Variants in CDKAL1 observed in about 807,000 individuals in gnomAD.
CDKAL1 encodes CDKAL1 threonylcarbamoyladenosine tRNA methylthiotransferase.
Under a neutral mutation model 68.2 loss-of-function variants are expected in CDKAL1, and 32 were observed. The ratio of observed to expected loss-of-function variants is 0.47; its 90% CI spans 0.35 to 0.63. The LOEUF (loss-of-function observed/expected upper bound fraction) is 0.63, where lower values mean the gene tolerates loss of function less well. Among genes scored for constraint, CDKAL1 ranks in the 30% least tolerant of loss-of-function variants. The probability of loss-of-function intolerance (pLI) is 0.00; values close to 1 mark genes in which losing one functional copy is unlikely to be tolerated. For synonymous variants in CDKAL1, 234 were observed against 244.3 expected (o/e 0.96, Z 0.39); for missense variants, 606 against 696.7 (o/e 0.87, Z 1.47).
At chr6:21,196,214 AAT>A (rs1778465378) in intron 13 of CDKAL1, among the ~76,000 whole-genome samples, 1 of 152,214 alleles carries the variant, frequency 6.6e-6, no homozygotes, top group African/African-American at 2.4e-5. Flanking sequence ...CTTGATGTTA[AAT>A]GAAGTGTAAT....
At chr6:20,613,480 G>A (rs1425818393) in intron 4 of CDKAL1, among the ~76,000 whole-genome samples, 2 of 150,176 alleles carry the variant, frequency 1.3e-5, no homozygotes, top group East Asian at 3.9e-4. Context: ...TCACCATGTT[G>A]GCCAGGCTCG....
intron 9 of CDKAL1, among the ~76,000 whole-genome samples, chr6:20,914,040 A>C (rs756974550): frequency 6.6e-6 from 1 of 152,160 alleles, no homozygotes; most frequent in Non-Finnish European, 1.5e-5. Context: ...CTGTGATCCC[A>C]GCACTTTGGG....
intron 9 of CDKAL1, among the ~76,000 whole-genome samples, chr6:20,909,443 A>C (rs551072881): frequency 7.2e-5 from 11 of 152,274 alleles, no homozygotes; most frequent in African/African-American, 2.2e-4. Flanking sequence ...AGTTTTGTAA[A>C]CCAATGTTGT....
intron 10 of CDKAL1, among the ~76,000 whole-genome samples, chr6:20,998,042 G>A (rs1767212863): frequency 6.6e-6 from 1 of 152,184 alleles, no homozygotes; most frequent in African/African-American, 2.4e-5. Context: ...AAGGTACACA[G>A]CCTGAGTGTG....
At chr6:21,194,242 G>A (rs1014140891) in intron 13 of CDKAL1, among the ~76,000 whole-genome samples, 5 of 152,216 alleles carry the variant, frequency 3.3e-5, no homozygotes, top group African/African-American at 1.2e-4. Context: ...ATAGCAGGCT[G>A]CCAGTCACAC....
intron 4 of CDKAL1, among the ~76,000 whole-genome samples, chr6:20,617,580 A>G (rs1223934371): frequency 6.6e-6 from 1 of 152,038 alleles, no homozygotes; most frequent in Admixed American, 6.6e-5. Flanking sequence ...CCTCCACCCC[A>G]TGACAGGCCC....
chr6:21,015,818 C>G (rs964271912), intron 11 of CDKAL1, among the ~76,000 whole-genome samples: 2 of 151,832 alleles, frequency 1.3e-5, no homozygotes, highest in Middle Eastern at 6.8e-3. Context: ...TCCCATGGCG[C>G]GCGCCTATAA....
intron 5 of CDKAL1, among the ~76,000 whole-genome samples, chr6:20,671,310 A>G (rs551659922): frequency 3.3e-4 from 50 of 152,184 alleles, no homozygotes; most frequent in Admixed American, 1.8e-3. Context: ...ATTTAGATAT[A>G]CTTTTGTCAA....
intron 9 of CDKAL1, among the ~76,000 whole-genome samples, chr6:20,945,071 T>TACAC (rs141227225): frequency 0.18 from 26,891 of 149,830 alleles, 2,648 homozygotes; most frequent in African/African-American, 0.28. Flanking sequence ...CACACACACG[T>TACAC]ACACACACAC....
intron 5 of CDKAL1, among the ~76,000 whole-genome samples, chr6:20,678,284 C>T (rs1770214987): frequency 6.6e-6 from 1 of 151,920 alleles, no homozygotes; most frequent in African/African-American, 2.4e-5. Context: ...TCTTCTTGGG[C>T]TGGGCATGGA....
rs556105845 is a variant in CDKAL1 at position 20,632,368 on chromosome 6, T to G, written c.287-16925T>G. On this transcript the variant is annotated intron_variant, in intron 4 of 15. Transcript: ENST00000274695. ...CCTGAAAAAGATGAAAATTCAAAAT[T>G]TGACACATGGGCTCTACTGAATGTA... is the stretch of plus-strand genomic sequence containing the variant. 5.9e-5 allele frequency among the ~76,000 whole-genome samples: 9 copies of G among 152,306 alleles called. No homozygotes were observed. The South Asian group carries it at 1.9e-3, about 32-fold the overall frequency.
intron 8 of CDKAL1, among the ~76,000 whole-genome samples, chr6:20,829,282 T>C (rs1777618336): frequency 6.6e-6 from 1 of 152,242 alleles, no homozygotes; most frequent in Non-Finnish European, 1.5e-5. Context: ...CACACTGTTT[T>C]CCTCAGCAGC....
chr6:20,990,014 A>C (rs1301694657), intron 10 of CDKAL1, among the ~76,000 whole-genome samples: 1 of 152,178 alleles, frequency 6.6e-6, no homozygotes, highest in Non-Finnish European at 1.5e-5. Flanking sequence ...AGGCTGAGAC[A>C]GGCAGATCAC....
intron 2 of CDKAL1, among the ~76,000 whole-genome samples, chr6:20,536,013 C>T (rs1373270611): frequency 2.6e-5 from 4 of 152,110 alleles, no homozygotes; most frequent in Non-Finnish European, 5.9e-5. Flanking sequence ...CTCACTGCAG[C>T]CTTGACCACC....
chr6:20,799,567 T>C (rs931737078), intron 8 of CDKAL1, among the ~76,000 whole-genome samples: 19 of 152,304 alleles, frequency 1.2e-4, no homozygotes, highest in African/African-American at 4.3e-4. Context: ...TATAAAAAAT[T>C]TAACGTATGA....
chr6:20,777,088 G>A (rs1387938564), intron 7 of CDKAL1, among the ~76,000 whole-genome samples: 1 of 152,210 alleles, frequency 6.6e-6, no homozygotes, highest in Non-Finnish European at 1.5e-5. Flanking sequence ...AATTCTGGGA[G>A]CTGAGCTAGC....
intron 8 of CDKAL1, among the ~76,000 whole-genome samples, chr6:20,816,958 CAG>C (rs1777072286): frequency 1.3e-5 from 2 of 152,022 alleles, no homozygotes; most frequent in Admixed American, 1.3e-4. Context: ...CTAATCTAAA[CAG>C]AGGATTGTGG....
rs201963779 is a variant in CDKAL1 at position 21,190,371 on chromosome 6, TTG to T, written c.1300-7648_1300-7647del. Among the ~76,000 whole-genome samples, 22 of 151,480 alleles carry T rather than the reference TTG, an allele frequency of 1.5e-4. No homozygotes were observed. In the East Asian group the frequency reaches 3.5e-3, roughly 24 times the overall value. On this transcript the variant is annotated intron_variant, in intron 13 of 15. Transcript: ENST00000274695. ...ACTTTTGATATGTGTGGGGTTTTTT[TTG>T]TTTTTTTTTTTGAGACGGAGTCTCA... is the stretch of plus-strand genomic sequence containing the variant.
At chr6:21,113,026 C>T (rs1296886692) in intron 13 of CDKAL1, among the ~76,000 whole-genome samples, 1 of 152,068 alleles carries the variant, frequency 6.6e-6, no homozygotes, top group Non-Finnish European at 1.5e-5. Flanking sequence ...AGTCAGAGCT[C>T]TAGTAAGAAG....
Sources: gnomAD v4.1 joint callset for allele counts (sites outside exome capture counted in the v4.1 genomes callset) on GRCh38, gnomAD v4.1.1 for gene constraint, MANE v1.5 for transcripts, NCBI Gene and HGNC (gene_info 2026-07-23, HGNC 2026-07-21) for gene names.